PDE6A: variants seen among roughly 807,000 people sequenced by gnomAD.
The protein encoded by PDE6A is rod cGMP-specific 3',5'-cyclic phosphodiesterase subunit alpha.
A neutral mutation model predicts 106.3 loss-of-function variants in PDE6A; 84 were observed. The ratio of observed to expected loss-of-function variants is 0.79; its 90% CI spans 0.66 to 0.95. PDE6A has a LOEUF of 0.95. PDE6A is among the 40% of genes least tolerant of loss of function. The pLI is 0.00. For synonymous variants in PDE6A, 394 were observed against 386.6 expected, an observed-to-expected ratio of 1.02 and a Z score of -0.23; for missense variants, 1,052 against 1,084.9, an observed-to-expected ratio of 0.97 and a Z score of 0.43.
At chr5:149,867,230 C>T in intron 19 of PDE6A, 1 of 213,454 alleles carries the variant, frequency 4.7e-6, no homozygotes, top group Non-Finnish European at 9.5e-6. Flanking sequence ...TTCCGATCTC[C>T]CCAACTGCGC....
intron 17 of PDE6A, among the ~76,000 whole-genome samples, chr5:149,871,342 T>A (rs1356472478): frequency 6.6e-6 from 1 of 152,044 alleles, no homozygotes; most frequent in Non-Finnish European, 1.5e-5. Context: ...CACATGCAGG[T>A]TAACATGTAA....
intron 6 of PDE6A, among the ~76,000 whole-genome samples, chr5:149,913,259 G>C (rs958903793): frequency 2.0e-5 from 3 of 151,914 alleles, no homozygotes; most frequent in African/African-American, 7.3e-5. Flanking sequence ...GCGTGTGCCT[G>C]TAATCCCAGC....
intron 13 of PDE6A, among the ~76,000 whole-genome samples, chr5:149,891,448 C>A (rs747649040): frequency 2.6e-5 from 4 of 152,040 alleles, no homozygotes; most frequent in Non-Finnish European, 4.4e-5. Flanking sequence ...CCAGCCTGGG[C>A]GACAGAGCGA....
chr5:149,869,308 C>T lies in PDE6A; in HGVS notation c.2136-1150G>A, dbSNP rs947765055. Among the ~76,000 whole-genome samples, 24 of 132,532 alleles carry T rather than the reference C, an allele frequency of 1.8e-4. No individual in the cohort carries two copies. The East Asian group carries it at 4.1e-3, about 22-fold the overall frequency. The allele number at this position is 132,532 out of a possible 152,430, so 86.9% of individuals were successfully genotyped here. Reference sequence around the variant, plus strand: ...TCACACCACTGCACTCTAGCCTGGGCGACAGATCGAGACTCCATATCAAAA... The same window carrying T: ...TCACACCACTGCACTCTAGCCTGGGTGACAGATCGAGACTCCATATCAAAA... On this transcript the variant is annotated intron_variant, in intron 17 of 21. Transcript: ENST00000255266.
At chr5:149,880,919 T>G (rs1279812908) in intron 17 of PDE6A, among the ~76,000 whole-genome samples, 1 of 151,486 alleles carries the variant, frequency 6.6e-6, no homozygotes, top group Admixed American at 6.6e-5. Context: ...AAAATTTAGC[T>G]GGGAATGGTG....
chr5:149,912,362 T>C (rs1753415082), intron 6 of PDE6A, among the ~76,000 whole-genome samples: 1 of 152,226 alleles, frequency 6.6e-6, no homozygotes, highest in Non-Finnish European at 1.5e-5. Context: ...TCCCCTCTGT[T>C]AGTGTGGATG....
chr5:149,874,305 GTCT>G (rs1395136449), intron 17 of PDE6A, among the ~76,000 whole-genome samples: 8 of 152,196 alleles, frequency 5.3e-5, no homozygotes, highest in African/African-American at 1.7e-4. Flanking sequence ...CTACCCTTCT[GTCT>G]GACTTGGCAA....
intron 21 of PDE6A, among the ~76,000 whole-genome samples, chr5:149,862,040 C>G (rs1268872527): frequency 1.3e-5 from 2 of 152,178 alleles, no homozygotes; most frequent in Non-Finnish European, 2.9e-5. Context: ...CATTTAGAAT[C>G]AACCCACGCT....
At chr5:149,934,485 T>A in intron 2 of PDE6A, 81 bp downstream of exon 2, 1 of 1,439,016 alleles carries the variant, frequency 6.9e-7, no homozygotes, top group Non-Finnish European at 9.8e-7. Flanking sequence ...TGAGGCCAGG[T>A]CAAACAGCAA....
intron 13 of PDE6A, among the ~76,000 whole-genome samples, chr5:149,891,969 G>A (rs1455507776): frequency 2.0e-5 from 3 of 152,098 alleles, no homozygotes; most frequent in African/African-American, 7.2e-5. Flanking sequence ...TTATAGAACC[G>A]TTCCCATACA....
At chr5:149,898,011 C>G (rs541218393) in intron 10 of PDE6A, among the ~76,000 whole-genome samples, 2 of 152,292 alleles carry the variant, frequency 1.3e-5, no homozygotes, top group Admixed American at 1.3e-4. Flanking sequence ...GACTCTGTCT[C>G]CAGTAGCAAG....
At chr5:149,874,862 C>T (rs1382912327) in intron 17 of PDE6A, among the ~76,000 whole-genome samples, 2 of 152,080 alleles carry the variant, frequency 1.3e-5, no homozygotes, top group African/African-American at 2.4e-5. Context: ...CAGGAAGCAC[C>T]GAACACCACT....
At chr5:149,884,028 A>C (rs910683347) in intron 16 of PDE6A, among the ~76,000 whole-genome samples, 1 of 151,888 alleles carries the variant, frequency 6.6e-6, no homozygotes, top group South Asian at 2.1e-4. Context: ...ACCCATCTTT[A>C]CAGCAAATTA....
intron 17 of PDE6A, among the ~76,000 whole-genome samples, chr5:149,882,918 C>T (rs372959370): frequency 2.6e-5 from 4 of 152,014 alleles, no homozygotes; most frequent in South Asian, 2.1e-4. Context: ...ATTAGCTGGG[C>T]GTGGTGGTGG....
Position 149,860,597 on chromosome 5 carries a change from GC to G in PDE6A, c.*297del, listed in dbSNP as rs1760099083. Reference sequence around the variant, plus strand: ...GCAGCCCAGGACGGCTTTGAATGCGGCCCAACACAAATTCATAAACTTTCTT... The same window carrying G: ...GCAGCCCAGGACGGCTTTGAATGCGGCCAACACAAATTCATAAACTTTCTT... On this transcript the variant is annotated 3_prime_UTR_variant, in exon 22 of 22. Transcript: ENST00000255266. 1 of 317,292 alleles carries G rather than the reference GC, an allele frequency of 3.2e-6. No individual in the cohort carries two copies. The highest frequency in any genetic ancestry group is 5.9e-6 in the Non-Finnish European group (1 of 170,642). 19.7% of individuals were successfully genotyped at this position (317,292 alleles called of 1,614,324 possible). A position where few individuals can be genotyped will look rare whatever the true frequency, so the allele number is the denominator to read the frequency against.
At chr5:149,875,389 G>A (rs1760701190) in intron 17 of PDE6A, among the ~76,000 whole-genome samples, 1 of 152,024 alleles carries the variant, frequency 6.6e-6, no homozygotes, top group African/African-American at 2.4e-5. Context: ...ATTTTGAAAA[G>A]TGCTACCTTC....
At chr5:149,884,055 T>G (rs998869292) in intron 16 of PDE6A, among the ~76,000 whole-genome samples, 4 of 151,176 alleles carry the variant, frequency 2.6e-5, no homozygotes, top group Admixed American at 2.6e-4. Flanking sequence ...TATCCAGGAG[T>G]GGTGGTGTTC....
intron 4 of PDE6A, among the ~76,000 whole-genome samples, chr5:149,923,957 G>A (rs546571042): frequency 6.6e-6 from 1 of 152,282 alleles, no homozygotes; most frequent in South Asian, 2.1e-4. Flanking sequence ...CAGAAGGGAA[G>A]CCACATGAAA....
chr5:149,863,080 G>C lies in PDE6A; in HGVS notation c.2506+39C>G, dbSNP rs886823635. ...GACGCAGACACTGAGTGCTCAGGGA[G>C]TGGGGTGGTGGGAGTCCCTGCTTCC... On this transcript the variant is annotated intron_variant, in intron 21 of 21. Transcript: ENST00000255266. This position sits in a 1 kb window ranked among gnomAD's most constrained non-coding sequence, Gnocchi z 4.7. 1 of 1,613,548 alleles carries C rather than the reference G, an allele frequency of 6.2e-7. No individual in the cohort carries two copies. The highest frequency in any genetic ancestry group is 8.5e-7 in the Non-Finnish European group (1 of 1,179,434).
Sources: gnomAD v4.1 joint callset for allele counts (sites outside exome capture counted in the v4.1 genomes callset) on GRCh38, gnomAD v4.1.1 for gene constraint, Gnocchi (gnomAD v3.1) non-coding constraint, MANE v1.5 for transcripts, NCBI Gene and HGNC (gene_info 2026-07-23, HGNC 2026-07-21) for gene names.